ERC1: variants seen among roughly 807,000 people sequenced by gnomAD.
ERC1 encodes the protein RAB6 interacting protein 2.
Under a neutral mutation model 132.0 loss-of-function variants are expected in ERC1, and 56 were observed. The observed-to-expected ratio is 0.42, with a 90% CI of 0.34 to 0.53. The LOEUF (loss-of-function observed/expected upper bound fraction) is 0.53. Among genes scored for constraint, ERC1 ranks in the 20% least tolerant of loss-of-function variants. The pLI is 0.03. For synonymous variants in ERC1, 478 were observed against 476.1 expected (o/e 1.00, Z -0.05); for missense variants, 1,202 against 1,349.9 (o/e 0.89, Z 1.72).
intron 15 of ERC1, among the ~76,000 whole-genome samples, chr12:1,300,079 C>A (rs2080273356): frequency 6.6e-6 from 1 of 152,130 alleles, no homozygotes. Flanking sequence ...TACAGGACTA[C>A]AGTAACCAAA....
At chr12:1,234,838 T>A (rs140006830) in intron 12 of ERC1, among the ~76,000 whole-genome samples, 63 of 152,300 alleles carry the variant, frequency 4.1e-4, no homozygotes, top group African/African-American at 1.4e-3. Flanking sequence ...AAATTCATTA[T>A]AAATACATGT....
chr12:1,199,469 TG>T (rs1956689062), intron 12 of ERC1, among the ~76,000 whole-genome samples: 1 of 149,384 alleles, frequency 6.7e-6, no homozygotes, highest in Non-Finnish European at 1.5e-5. Context: ...CAACTGACTT[TG>T]TTAAAAAAAA....
At chr12:1,189,445 G>A (rs917024948) in intron 11 of ERC1, among the ~76,000 whole-genome samples, 1 of 152,148 alleles carries the variant, frequency 6.6e-6, no homozygotes, top group African/African-American at 2.4e-5. Flanking sequence ...TGGAAGTTAG[G>A]GTCTAGTGGG....
In ERC1 at chr12:1,296,506, T is replaced by C. The variant is rs112034923; in HGVS notation, c.2780+6494T>C. Among the ~76,000 whole-genome samples, 3 of 139,468 alleles carry C rather than the reference T, an allele frequency of 2.2e-5. No individual in the cohort carries two copies. In the East Asian group the frequency reaches 7.2e-4, roughly 33 times the overall value. 91.5% of individuals were successfully genotyped at this position (139,468 alleles called of 152,430 possible). ...TCGGCTCACTGCAACCTCCGCCTCC[T>C]GGGTTCAGGCGATCCTCCTGCCTCA... On this transcript the variant is annotated intron_variant, in intron 15 of 18. Coordinates refer to ENST00000360905, the MANE Select transcript of ERC1 (RefSeq NM_178040.4).
chr12:1,033,130 G>A (rs1045109061), intron 2 of ERC1, among the ~76,000 whole-genome samples: 6 of 151,682 alleles, frequency 4.0e-5, no homozygotes, highest in African/African-American at 9.7e-5. Context: ...TCCACCTCCC[G>A]GGTTAATGCC....
At chr12:1,422,921 T>C (rs2092480396) in intron 17 of ERC1, among the ~76,000 whole-genome samples, 1 of 152,248 alleles carries the variant, frequency 6.6e-6, no homozygotes, top group South Asian at 2.1e-4. Flanking sequence ...TGATGGTATC[T>C]CATGGTTTGC....
chr12:1,141,529 A>G (rs1275407621), intron 7 of ERC1, 91 bp from the exon 8 acceptor site: 1 of 1,051,506 alleles, frequency 9.5e-7, no homozygotes. Flanking sequence ...ACAAAACTCA[A>G]CCTCTTTATA....
intron 1 of ERC1, among the ~76,000 whole-genome samples, chr12:1,002,403 T>C (rs75927000): frequency 1.3e-4 from 20 of 150,688 alleles, no homozygotes; most frequent in African/African-American, 4.4e-4. Flanking sequence ...CTCAGGCTGG[T>C]CTTGAACTCC....
chr12:1,002,862 A>G (rs1250364343), intron 1 of ERC1, among the ~76,000 whole-genome samples: 1 of 151,514 alleles, frequency 6.6e-6, no homozygotes, highest in Non-Finnish European at 1.5e-5. Flanking sequence ...TTTTTTTCTT[A>G]TTATAGGAGT....
chr12:1,115,839 C>T (rs1164275206), intron 6 of ERC1, 27 bp from the exon 7 acceptor site: 1 of 1,595,742 alleles, frequency 6.3e-7, no homozygotes. Flanking sequence ...TTTCTTTTTT[C>T]CTTAAAGTGT....
intron 13 of ERC1, among the ~76,000 whole-genome samples, chr12:1,247,048 G>A (rs1439247761): frequency 6.7e-6 from 1 of 149,274 alleles, no homozygotes. Flanking sequence ...AGGATCACTT[G>A]AGCCCAGGAG....
At chr12:1,195,199 C>A (rs926116565) in intron 12 of ERC1, among the ~76,000 whole-genome samples, 3 of 152,152 alleles carry the variant, frequency 2.0e-5, no homozygotes, top group African/African-American at 7.2e-5. Context: ...ATGTGACTAC[C>A]ACCATGATCA....
chr12:992,586 A>G (rs1194588834), intron 1 of ERC1, among the ~76,000 whole-genome samples: 1 of 152,194 alleles, frequency 6.6e-6, no homozygotes. Context: ...TCTTGGAGTC[A>G]AGTGCTTTAA....
At chr12:1,166,970 T>C (rs1017074434) in intron 8 of ERC1, among the ~76,000 whole-genome samples, 3 of 152,258 alleles carry the variant, frequency 2.0e-5, no homozygotes, top group African/African-American at 7.2e-5. Flanking sequence ...TTCTTTGGGC[T>C]TTTAAGTAAC....
At chr12:1,436,337 A>G (rs982416661) in intron 17 of ERC1, among the ~76,000 whole-genome samples, 8 of 152,300 alleles carry the variant, frequency 5.3e-5, no homozygotes, top group Middle Eastern at 3.4e-3. Flanking sequence ...TTGTAGTCCT[A>G]TGGACTGAGA....
intron 15 of ERC1, among the ~76,000 whole-genome samples, chr12:1,360,811 A>G (rs9668524): frequency 0.025 from 3,783 of 152,302 alleles, 173 homozygotes; most frequent in African/African-American, 0.087. Context: ...GGCTGGGTAC[A>G]GTGGCTTACA....
intron 2 of ERC1, among the ~76,000 whole-genome samples, chr12:1,071,790 T>C (rs2154182222): frequency 6.6e-6 from 1 of 152,298 alleles, no homozygotes. Flanking sequence ...ACCATCCAAA[T>C]ATCTTTCCCT....
At chr12:1,304,801 T>TA (rs2080721221) in intron 15 of ERC1, among the ~76,000 whole-genome samples, 4 of 131,078 alleles carry the variant, frequency 3.1e-5, no homozygotes, top group Admixed American at 1.5e-4. Flanking sequence ...TTTTTTTTTT[T>TA]TTTTTTGAGA....
rs554889512 is a variant in ERC1 at position 1,050,759 on chromosome 12, A to C, written c.669+22187A>C. Reference sequence around the variant, plus strand: ...TATTAAGAAAAAGGTCAGGCCGAGCACTTTGGGAGGCCGAGGCGGGTTGAT... The same window carrying C: ...TATTAAGAAAAAGGTCAGGCCGAGCCCTTTGGGAGGCCGAGGCGGGTTGAT... On this transcript the variant is annotated intron_variant, in intron 2 of 18. Coordinates refer to ENST00000360905, the MANE Select transcript of ERC1 (RefSeq NM_178040.4). Among the ~76,000 whole-genome samples the C allele has an allele frequency of 5.9e-5, 9 of 152,322 alleles. No homozygotes were observed. The South Asian group carries it at 1.9e-3, about 32-fold the overall frequency.
Sources: allele counts gnomAD v4.1 joint callset (sites outside exome capture counted in the v4.1 genomes callset), GRCh38; gene constraint gnomAD v4.1.1; transcripts MANE v1.5; gene names NCBI Gene and HGNC (gene_info 2026-07-23, HGNC 2026-07-21).